The following ELP1 variants were observed in gnomAD, a reference collection of about 807,000 sequenced individuals.
ELP1 encodes elongator acetyltransferase complex subunit 1, also known as elongator complex protein 1.
ELP1 carries 131 observed loss-of-function variants against 183.2 expected under a neutral mutation model. The ratio of observed to expected loss-of-function variants is 0.72; its 90% CI spans 0.62 to 0.83. The LOEUF is 0.83. Ranked by LOEUF, ELP1 falls within the 40% of genes least tolerant of loss-of-function variation. The pLI is 0.00. For synonymous variants in ELP1, 555 were observed against 569.0 expected (o/e 0.98, Z 0.35); for missense variants, 1,550 against 1,594.9 (o/e 0.97, Z 0.48).
At chr9:108,915,026 C>T (rs938407733) in intron 10 of ELP1, among the ~76,000 whole-genome samples, 4 of 152,152 alleles carry the variant, frequency 2.6e-5, no homozygotes, top group Non-Finnish European at 5.9e-5. Flanking sequence ...GTGATTATTA[C>T]GAAGTGGTAG....
In ELP1 at chr9:108,912,251, C is replaced by T. The variant is rs1411742558; in HGVS notation, c.1189+13G>A. 15 of 1,605,340 alleles carry T rather than the reference C, an allele frequency of 9.3e-6. No individual in the cohort carries two copies. Among genetic ancestry groups the T allele is most frequent in the African/African-American group, 1.3e-5 (1 of 74,756 alleles). On this transcript the variant is annotated intron_variant, in intron 11 of 36. Transcript: ENST00000374647. ...CCCTTGCAGGCTCATGGACACACTT[C>T]CCAGGAGCTTACTTCCATCAATGAC...
intron 5 of ELP1, among the ~76,000 whole-genome samples, chr9:108,926,044 T>A (rs539901395): frequency 6.6e-6 from 1 of 152,366 alleles, no homozygotes; most frequent in Admixed American, 6.5e-5. Context: ...TTATGCTTAA[T>A]AAGCGTCTCT....
In ELP1 at chr9:108,879,546, G is replaced by C; in HGVS notation, c.3472C>G (p.Pro1158Ala). 3.1e-6 allele frequency: 5 copies of C among 1,613,046 alleles called. No homozygotes were observed. Among genetic ancestry groups the C allele is most frequent in the Non-Finnish European group, 4.2e-6 (5 of 1,179,086 alleles). The change falls in exon 33 of 37, where the codon CCC becomes GCC. Residue 1158 changes from proline to alanine, a missense_variant. By Grantham distance (27) the Pro-to-Ala change is conservative. Transcript: ENST00000374647. The part of the protein sequence containing the change: ...AQQAGLDDEV[P>A]HGQESDLFSE... ...AAGAGGTCTGACTCTTGCCCGTGGGGTACCTCATCATCTAGAAAAGAAGAA... is the reference window on the plus strand; with the variant it reads ...AAGAGGTCTGACTCTTGCCCGTGGGCTACCTCATCATCTAGAAAAGAAGAA...
intron 12 of ELP1, among the ~76,000 whole-genome samples, chr9:108,909,888 G>A (rs1055652038): frequency 2.0e-5 from 3 of 152,012 alleles, no homozygotes; most frequent in South Asian, 2.1e-4. Flanking sequence ...AGATAAAAAC[G>A]TCCTAAAATT....
chr9:108,909,361 T>A (rs1829127981), intron 12 of ELP1, among the ~76,000 whole-genome samples: 1 of 152,124 alleles, frequency 6.6e-6, no homozygotes, highest in African/African-American at 2.4e-5. Context: ...TGGCATATAA[T>A]AAACAATCAA....
chr9:108,870,199 C>A (rs1382279482), intron 36 of ELP1, among the ~76,000 whole-genome samples: 1 of 152,082 alleles, frequency 6.6e-6, no homozygotes, highest in African/African-American at 2.4e-5. Flanking sequence ...AACTCCTGGT[C>A]TCGTTCCACC....
chr9:108,914,398 C>CAAAAAA (rs1288308725), intron 10 of ELP1, among the ~76,000 whole-genome samples: 5 of 28,802 alleles, frequency 1.7e-4, no homozygotes, highest in African/African-American at 7.1e-4. Context: ...ACTCCGTCTC[C>CAAAAAA]AAAAAAAAAA....
intron 16 of ELP1, among the ~76,000 whole-genome samples, chr9:108,901,939 C>T (rs1828824802): frequency 6.6e-6 from 1 of 152,224 alleles, no homozygotes; most frequent in African/African-American, 2.4e-5. Flanking sequence ...TAACTCCACT[C>T]AACCGGTGTT....
In ELP1 at chr9:108,897,270, C is replaced by A. The variant is rs1158825223; in HGVS notation, c.2379G>T (p.Thr793=). 3 of 1,613,938 alleles carry A rather than the reference C, an allele frequency of 1.9e-6. No homozygotes were observed. The highest frequency in any genetic ancestry group is 2.5e-6 in the Non-Finnish European group (3 of 1,180,002). The change falls in exon 23 of 37, where the codon ACG becomes ACT. Residue 793 remains threonine (T), a synonymous_variant. Coordinates refer to ENST00000374647, the MANE Select transcript of ELP1 (RefSeq NM_003640.5). ...FFTELKEEDV[T]KTMYPAPVTS... Reference sequence around the variant, plus strand: ...TAACTGGTGCAGGGTACATGGTCTTCGTGACATCTTCTTCTCTAAGAACAG... The same window carrying A: ...TAACTGGTGCAGGGTACATGGTCTTAGTGACATCTTCTTCTCTAAGAACAG...
chr9:108,923,912 A>G (rs539674675), intron 5 of ELP1, among the ~76,000 whole-genome samples: 4 of 152,356 alleles, frequency 2.6e-5, no homozygotes, highest in African/African-American at 9.6e-5. Flanking sequence ...TCCTCCTGCC[A>G]TTGATTCTGA....
chr9:108,924,159 C>T (rs1331518833), intron 5 of ELP1, among the ~76,000 whole-genome samples: 1 of 152,188 alleles, frequency 6.6e-6, no homozygotes, highest in African/African-American at 2.4e-5. Context: ...GCGGTTACAG[C>T]AGGGATTTGC....
At chr9:108,917,416 G>A (rs1829478181) in intron 9 of ELP1, 131 bp downstream of exon 9, 7 of 850,736 alleles carry the variant, frequency 8.2e-6, no homozygotes, top group Non-Finnish European at 5.6e-6. Context: ...GCAGTGAACC[G>A]AGATTGCACT....
intron 29 of ELP1, among the ~76,000 whole-genome samples, chr9:108,884,925 T>C (rs530321081): frequency 6.6e-6 from 1 of 151,434 alleles, no homozygotes; most frequent in South Asian, 2.1e-4. Flanking sequence ...ACAAAAAAAA[T>C]TAAAAATTAG....
At chr9:108,929,182 T>G (rs1027859391) in intron 3 of ELP1, among the ~76,000 whole-genome samples, 1 of 152,236 alleles carries the variant, frequency 6.6e-6, no homozygotes, top group African/African-American at 2.4e-5. Flanking sequence ...TGGAAGAAGA[T>G]TTAAAGAATC....
At chr9:108,873,568 T>C (rs959648752) in intron 36 of ELP1, among the ~76,000 whole-genome samples, 1 of 152,192 alleles carries the variant, frequency 6.6e-6, no homozygotes, top group Non-Finnish European at 1.5e-5. Flanking sequence ...GAAAGCCATC[T>C]AGAATACCCT....
rs2131995406 is a variant in ELP1 at position 108,902,963 on chromosome 9, G to C, written c.1751-21C>G. ...TGACTCTGCAAGATTCACAGATCTA[G>C]TTCACAAATAGCTGATGCGCTCTTT... On this transcript the variant is annotated intron_variant, in intron 15 of 36. Transcript: ENST00000374647. 6 of 1,578,902 alleles carry C rather than the reference G, an allele frequency of 3.8e-6. No individual in the cohort carries two copies. In the East Asian group the frequency reaches 1.3e-4, roughly 35 times the overall value.
Position 108,879,969 on chromosome 9 carries a change from G to A in ELP1, c.3460+83C>T. On this transcript the variant is annotated intron_variant, in intron 32 of 36. Transcript: ENST00000374647. ...TGGCACAGTAATCAGATTGCAGGCGGATCACCAAGCAATCTAGACAATGTG... is the reference window on the plus strand; with the variant it reads ...TGGCACAGTAATCAGATTGCAGGCGAATCACCAAGCAATCTAGACAATGTG... 5 of 912,000 alleles carry A rather than the reference G, an allele frequency of 5.5e-6. No individual in the cohort carries two copies. The South Asian group carries it at 6.6e-5, about 12-fold the overall frequency. 56.5% of individuals were successfully genotyped at this position (912,000 alleles called of 1,614,324 possible).
chr9:108,886,687 T>C (rs957686625), intron 29 of ELP1, among the ~76,000 whole-genome samples: 2 of 152,184 alleles, frequency 1.3e-5, no homozygotes, highest in Admixed American at 6.5e-5. Flanking sequence ...TTGGCAAATT[T>C]TTCCTGTAAA....
intron 20 of ELP1, among the ~76,000 whole-genome samples, chr9:108,899,601 G>C (rs1048771865): frequency 2.0e-5 from 3 of 150,744 alleles, no homozygotes; most frequent in Non-Finnish European, 4.4e-5. Context: ...TCCTTTATAT[G>C]ATGAGTGTCA....
Sources: gnomAD v4.1 joint callset for allele counts (sites outside exome capture counted in the v4.1 genomes callset) on GRCh38, gnomAD v4.1.1 for gene constraint, MANE v1.5 for transcripts, NCBI Gene and HGNC (gene_info 2026-07-23, HGNC 2026-07-21) for gene names.